PCDHA5: variants seen among roughly 807,000 people sequenced by gnomAD.
PCDHA5 encodes the protein protocadherin alpha 5, also known as protocadherin alpha-5.
A neutral mutation model predicts 61.6 loss-of-function variants in PCDHA5; 43 were observed. The observed-to-expected ratio is 0.70, with a 90% confidence interval of 0.55 to 0.90. PCDHA5 has a LOEUF of 0.90. Ranked by LOEUF, PCDHA5 falls within the 40% of genes least tolerant of loss-of-function variation. The probability of loss-of-function intolerance (pLI) is 0.00; values close to 1 mark genes in which losing one functional copy is unlikely to be tolerated. For missense variants in PCDHA5, 1,298 were observed against 1,222.7 expected (o/e 1.06, Z -0.92); for synonymous variants, 627 against 543.9 (o/e 1.15, Z -2.13).
At chr5:140,842,027 AATG>A (rs2150327621) in intron 1 of PCDHA5, 1 of 1,613,850 alleles carries the variant, frequency 6.2e-7, no homozygotes, top group East Asian at 2.2e-5. Flanking sequence ...GCTGGATGTG[AATG>A]ATAATGCTCC....
intron 1 of PCDHA5, chr5:140,843,770 C>A: frequency 6.8e-7 from 1 of 1,463,438 alleles, no homozygotes; most frequent in Non-Finnish European, 9.4e-7. Flanking sequence ...ATTGTAGTTA[C>A]TTTAAAAGTG....
chr5:140,856,385 C>T lies in PCDHA5; in HGVS notation c.2352+32258C>T, dbSNP rs190288099. On this transcript the variant is annotated intron_variant, in intron 1 of 3. Coordinates refer to ENST00000529859, the MANE Select transcript of PCDHA5 (RefSeq NM_018908.3). ...CCTGGAGGTGATCGTGGACAGGCCG[C>T]TGCAGGTTTTCCATGTGGACGTGGA... 1.5e-4 allele frequency: 246 copies of T among 1,598,538 alleles called. 26 individuals are homozygous for T. The highest frequency in any genetic ancestry group is 2.0e-4 in the Non-Finnish European group (228 of 1,167,982).
chr5:140,950,720 T>C (rs2094512536), intron 1 of PCDHA5, among the ~76,000 whole-genome samples: 1 of 152,106 alleles, frequency 6.6e-6, no homozygotes, highest in South Asian at 2.1e-4. Flanking sequence ...CTTATATCCT[T>C]AAATTTTTTA....
At chr5:140,856,971 A>C (rs782790207) in intron 1 of PCDHA5, 1 of 1,594,450 alleles carries the variant, frequency 6.3e-7, no homozygotes, top group East Asian at 2.2e-5. Flanking sequence ...GATGCTATTG[A>C]CTTTGAGGAC....
At chr5:140,878,028 G>A in intron 1 of PCDHA5, 1 of 666,892 alleles carries the variant, frequency 1.5e-6, no homozygotes, top group Non-Finnish European at 2.2e-6. Context: ...AAATATGTAG[G>A]TACAATGGAG....
At chr5:140,851,696 A>G (rs1174127809) in intron 1 of PCDHA5, 1 of 941,376 alleles carries the variant, frequency 1.1e-6, no homozygotes, top group African/African-American at 1.8e-5. Context: ...TGATAAAATG[A>G]TCAGCCATGT....
At chr5:140,982,436 T>G (rs782353079) in intron 2 of PCDHA5, 39 bp from the exon 3 acceptor site, 18 of 1,613,262 alleles carry the variant, frequency 1.1e-5, no homozygotes, top group Non-Finnish European at 1.5e-5. Context: ...GGAAAGAATT[T>G]ATGATCTAAC....
chr5:140,842,275 C>A, intron 1 of PCDHA5: 2 of 1,610,286 alleles, frequency 1.2e-6, no homozygotes, highest in Non-Finnish European at 8.5e-7. Flanking sequence ...TATACAAAAT[C>A]CTCATTGACG....
At chr5:140,856,360 C>T (rs2043951808) in intron 1 of PCDHA5, 2 of 1,598,438 alleles carry the variant, frequency 1.3e-6, no homozygotes, top group Admixed American at 1.7e-5. Context: ...GCAGCATCCA[C>T]CTGGAGGTGA....
At position 140,945,942 on chromosome 5, in the gene PCDHA5, A is replaced by G. The variant is rs534164272; in HGVS notation, c.2353-33007A>G. 2.0e-5 allele frequency among the ~76,000 whole-genome samples: 3 copies of G among 152,196 alleles called. No individual in the cohort carries two copies. In the South Asian group the frequency reaches 6.2e-4, roughly 32 times the overall value. ...ACTGATCTGAGCAATGATGTTTTTT[A>G]TATGACCCTGAAAGCACAGGCAATA... On this transcript the variant is annotated intron_variant, in intron 1 of 3. Coordinates refer to ENST00000529859, the MANE Select transcript of PCDHA5 (RefSeq NM_018908.3).
chr5:140,988,560 T>C (rs1184536302), intron 3 of PCDHA5, among the ~76,000 whole-genome samples: 3 of 152,138 alleles, frequency 2.0e-5, no homozygotes, highest in Admixed American at 2.0e-4. Context: ...CATCTTCTTC[T>C]TGGGAAAACA....
At chr5:140,871,275 A>C in intron 1 of PCDHA5, 3 of 1,613,900 alleles carry the variant, frequency 1.9e-6, no homozygotes, top group Non-Finnish European at 2.5e-6. Flanking sequence ...GGTGGTCGGC[A>C]ACGCCCACTG....
chr5:140,951,833 A>G (rs2094641584), intron 1 of PCDHA5, among the ~76,000 whole-genome samples: 1 of 152,190 alleles, frequency 6.6e-6, no homozygotes, highest in Admixed American at 6.5e-5. Flanking sequence ...TCATTCCAGC[A>G]TTAAGCCAAA....
Position 140,823,521 on chromosome 5 carries a change from G to T in PCDHA5, c.1746G>T (p.Arg582Ser). 1.2e-6 allele frequency: 2 copies of T among 1,613,692 alleles called. No individual in the cohort carries two copies. Among genetic ancestry groups the T allele is most frequent in the Non-Finnish European group, 8.5e-7 (1 of 1,179,808 alleles). ...TGGAVSELVP[R>S]SVGAGHVVAK... is the part of the protein sequence containing the mutation. ...GCGCAGTGAGCGAGCTGGTGCCGAG[G>T]TCAGTGGGTGCGGGCCACGTGGTGG... The change falls in exon 1 of 4, where the codon AGG (arginine) becomes AGT (serine). Residue 582 changes from arginine (R) to serine (S), a missense_variant. Coordinates refer to ENST00000529859, the MANE Select transcript of PCDHA5 (RefSeq NM_018908.3).
chr5:140,853,857 A>T, intron 1 of PCDHA5: 3 of 985,610 alleles, frequency 3.0e-6, no homozygotes, highest in Non-Finnish European at 3.7e-6. Flanking sequence ...GCCCTATTTG[A>T]TACTTGACAG....
Position 140,822,934 on chromosome 5 carries a change from T to G in PCDHA5, c.1159T>G (p.Ser387Ala). The G allele has an allele frequency of 6.2e-6, 10 of 1,614,238 alleles. No individual in the cohort carries two copies. Among genetic ancestry groups the G allele is most frequent in the Non-Finnish European group, 6.8e-6 (8 of 1,180,038 alleles). Residue 387 changes from serine to alanine, a missense_variant, in exon 1 of 4, where the codon TCC becomes GCC. Transcript: ENST00000529859. ...DSGANGQVTC[S>A]LMPHVPFKLV... ...AGGTGCCAACGGGCAGGTGACCTGC[T>G]CCCTAATGCCCCACGTTCCCTTCAA...
chr5:140,838,261 C>T (rs2150150705), intron 1 of PCDHA5, among the ~76,000 whole-genome samples: 1 of 147,022 alleles, frequency 6.8e-6, no homozygotes, highest in African/African-American at 2.5e-5. Context: ...TTAAAGACGC[C>T]AACAACCAAG....
At chr5:140,864,390 A>G (rs1314124193) in intron 1 of PCDHA5, 1 of 152,190 alleles carries the variant, frequency 6.6e-6, no homozygotes. Flanking sequence ...ATCTCTCACA[A>G]ATGGTGATGA....
At chr5:140,999,244 G>A (rs1554256717) in intron 3 of PCDHA5, among the ~76,000 whole-genome samples, 1 of 152,210 alleles carries the variant, frequency 6.6e-6, no homozygotes, top group African/African-American at 2.4e-5. Flanking sequence ...GTTAAAGTGG[G>A]AGTTGGATTA....
Sources: gnomAD v4.1 joint callset for allele counts (sites outside exome capture counted in the v4.1 genomes callset) on GRCh38, gnomAD v4.1.1 for gene constraint, MANE v1.5 for transcripts, NCBI Gene and HGNC (gene_info 2026-07-23, HGNC 2026-07-21) for gene names.